Variants in VEGFD observed in about 807,000 individuals in gnomAD.
VEGFD encodes c-fos induced growth factor (vascular endothelial growth factor D).
Under a neutral mutation model 28.0 loss-of-function variants are expected in VEGFD, and 26 were observed. The ratio of observed to expected loss-of-function variants is 0.93; its 90% CI spans 0.68 to 1.29. The LOEUF is 1.29. Ranked by LOEUF, VEGFD falls within the 50% of genes most tolerant of loss-of-function variation. VEGFD has a pLI of 0.00. For synonymous variants in VEGFD, 93 were observed against 95.5 expected (o/e 0.97, Z 0.15); for missense variants, 294 against 273.4 (o/e 1.08, Z -0.53).
At chrX:15,354,924 C>G (rs774233704) in intron 4 of VEGFD, among the ~76,000 whole-genome samples, 1 of 111,830 alleles carries the variant, frequency 8.9e-6, no homozygotes, top group African/African-American at 3.2e-5. Context: ...GTAGACATGA[C>G]AAGCTCATAC....
chrX:15,368,028 AAG>A (rs1340563240), intron 1 of VEGFD, among the ~76,000 whole-genome samples: 74 of 83,343 alleles, frequency 8.9e-4, no homozygotes, highest in African/African-American at 3.7e-3. Flanking sequence ...GAAAGAAAGA[AAG>A]GAAAGAAGAA....
At chrX:15,354,381 CG>C (rs72319018) in intron 4 of VEGFD, among the ~76,000 whole-genome samples, 10,055 of 110,604 alleles carry the variant, frequency 0.091, 630 homozygotes, top group African/African-American at 0.22. Context: ...TGGAGAGAGG[CG>C]GGAGGTGTCT....
intron 5 of VEGFD, among the ~76,000 whole-genome samples, chrX:15,350,470 G>A (rs1187350331): frequency 8.9e-6 from 1 of 112,782 alleles, no homozygotes; most frequent in African/African-American, 3.2e-5. Context: ...ACAGGGCTCA[G>A]CCTCTTCACC....
chrX:15,347,489 C>T, intron 5 of VEGFD, 130 bp from the exon 6 acceptor site: 1 of 451,336 alleles, frequency 2.2e-6, no homozygotes, highest in Non-Finnish European at 3.5e-6. Flanking sequence ...TAGATTTATG[C>T]CCCTAATTTT....
At chrX:15,353,016 A>T (rs747454813) in intron 5 of VEGFD, 52 bp downstream of exon 5, 1 of 699,881 alleles carries the variant, frequency 1.4e-6, no homozygotes, top group South Asian at 2.6e-5. Context: ...GGTTGCTGCT[A>T]TTGTTGCTAC....
At chrX:15,358,681 G>A (rs1212318769) in intron 2 of VEGFD, among the ~76,000 whole-genome samples, 1 of 111,543 alleles carries the variant, frequency 9.0e-6, no homozygotes, top group African/African-American at 3.3e-5. Context: ...CTTGGCAAAC[G>A]CATAAATGGA....
At chrX:15,361,250 C>T (rs1923005850) in intron 2 of VEGFD, among the ~76,000 whole-genome samples, 1 of 112,310 alleles carries the variant, frequency 8.9e-6, no homozygotes, top group South Asian at 3.7e-4. Flanking sequence ...TGAAATAGCT[C>T]CAGGTTCACC....
intron 1 of VEGFD, among the ~76,000 whole-genome samples, chrX:15,382,174 G>A (rs764375722): frequency 9.1e-6 from 1 of 110,435 alleles, no homozygotes; most frequent in Non-Finnish European, 1.9e-5. Context: ...CAAAAAATTA[G>A]CCCGGCATGG....
rs373949275 is a variant in VEGFD at position 15,347,377 on chromosome X, C to T, written c.743-18G>A. The stretch of plus-strand genomic sequence containing the variant: ...AGAGTGGTCTAAAGAGAAACAGAAA[C>T]GTGTTGGTCAGATAGTTGTAGTGTG... On this transcript the variant is annotated intron_variant, in intron 5 of 6. Transcript: ENST00000297904. The T allele has an allele frequency of 6.9e-6, 8 of 1,164,780 alleles. No individual in the cohort carries two copies. The African/African-American group carries it at 7.1e-5, about 10-fold the overall frequency.
chrX:15,364,603 G>A (rs1378503617), intron 1 of VEGFD, among the ~76,000 whole-genome samples: 1 of 111,897 alleles, frequency 8.9e-6, no homozygotes, highest in African/African-American at 3.3e-5. Flanking sequence ...TAGGGCCTCC[G>A]ATTTTCTCTT....
At position 15,347,236 on chromosome X, in the gene VEGFD, C is replaced by T; in HGVS notation, c.866G>A (p.Ser289Asn). The T allele has an allele frequency of 8.3e-7, 1 of 1,211,752 alleles. No homozygotes were observed. The highest frequency in any genetic ancestry group is 1.1e-6 in the Non-Finnish European group (1 of 895,398). The part of the protein sequence containing the change: ...KDLIQHPKNC[S>N]CFECKESLET... ...CAGACTTTCTTTGCACTCAAAGCAA[C>T]TGCAGTTTTTGGGGTGCTGGATTAG... The change falls in exon 6 of 7, where the codon AGT (serine) becomes AAT (asparagine). Residue 289 changes from serine to asparagine, a missense_variant. Coordinates refer to ENST00000297904, the MANE Select transcript of VEGFD (RefSeq NM_004469.5).
At chrX:15,352,315 T>TC (rs994428753) in intron 5 of VEGFD, among the ~76,000 whole-genome samples, 9 of 100,487 alleles carry the variant, frequency 9.0e-5, no homozygotes, top group African/African-American at 3.2e-4. Flanking sequence ...ACTTTTTTTT[T>TC]CTTTCTTTTT....
chrX:15,379,980 G>A (rs770092064), intron 1 of VEGFD, among the ~76,000 whole-genome samples: 2 of 112,305 alleles, frequency 1.8e-5, no homozygotes, highest in Non-Finnish European at 1.9e-5. Context: ...CCAATAATAC[G>A]CTATAGTGAT....
chrX:15,380,627 T>G (rs1042836091), intron 1 of VEGFD, among the ~76,000 whole-genome samples: 32 of 113,123 alleles, frequency 2.8e-4, no homozygotes, highest in African/African-American at 1.0e-3. Flanking sequence ...TTAGTGACAT[T>G]GAAAAGATTT....
At chrX:15,368,002 G>GAAAGAAAGAAAGAAAGAAAGA (rs1923196816) in intron 1 of VEGFD, among the ~76,000 whole-genome samples, 1 of 80,794 alleles carries the variant, frequency 1.2e-5, no homozygotes, top group Non-Finnish European at 2.4e-5. Flanking sequence ...AAGAAAGAAA[G>GAAAGAAAGAAAGAAAGAAAGA]AAAGAAAGAA....
chrX:15,363,065 A>G, intron 2 of VEGFD, 44 bp downstream of exon 2: 1 of 1,134,524 alleles, frequency 8.8e-7, no homozygotes, highest in African/African-American at 1.8e-5. Flanking sequence ...GTTTGTCACT[A>G]TCTAATAAAG....
At position 15,383,902 on chromosome X, in the gene VEGFD, G is replaced by A. The variant is rs758156157; in HGVS notation, c.45C>T (p.Tyr15=). Residue 15 remains tyrosine (Y), a synonymous_variant, in exon 1 of 7, where the codon TAC becomes TAT. Transcript: ENST00000297904. ...WVVVNVFMML[Y]VQLVQGSSNE... ...TACTGGAGCCCTGCACCAGCTGGACGTACAACATCATGAAAACATTCACCA... is the reference window on the plus strand; with the variant it reads ...TACTGGAGCCCTGCACCAGCTGGACATACAACATCATGAAAACATTCACCA... The A allele has an allele frequency of 7.5e-6, 9 of 1,207,737 alleles. No individual in the cohort carries two copies. Among genetic ancestry groups the A allele is most frequent in the South Asian group, 7.0e-5 (4 of 56,793 alleles).
intron 1 of VEGFD, among the ~76,000 whole-genome samples, chrX:15,365,235 C>T (rs1009685588): frequency 9.0e-6 from 1 of 111,528 alleles, no homozygotes; most frequent in Non-Finnish European, 1.9e-5. Flanking sequence ...CAGGTTCAAG[C>T]GATTCTCCTG....
chrX:15,364,208 A>G (rs1923089606), intron 1 of VEGFD, among the ~76,000 whole-genome samples: 1 of 111,955 alleles, frequency 8.9e-6, no homozygotes, highest in Non-Finnish European at 1.9e-5. Flanking sequence ...TTTAAAACCT[A>G]CTATTTCAAA....
Sources: allele counts gnomAD v4.1 joint callset (sites outside exome capture counted in the v4.1 genomes callset), GRCh38; gene constraint gnomAD v4.1.1; transcripts MANE v1.5; gene names NCBI Gene and HGNC (gene_info 2026-07-23, HGNC 2026-07-21).